Variants in CTNNA3 observed in about 807,000 individuals in gnomAD.
CTNNA3 encodes the protein catenin alpha 3.
In CTNNA3, 76 loss-of-function variants were observed where a neutral mutation model predicts 95.7. That is an observed-to-expected ratio of 0.79 (90% CI 0.66 to 0.96). The LOEUF is 0.96. Ranked by LOEUF, CTNNA3 falls within the 40% of genes least tolerant of loss-of-function variation. The pLI is 0.00. For missense variants in CTNNA3, 1,191 were observed against 1,089.8 expected (o/e 1.09, Z -1.31); for synonymous variants, 431 against 374.4 (o/e 1.15, Z -1.74).
intron 11 of CTNNA3, among the ~76,000 whole-genome samples, chr10:66,471,771 GACT>G (rs1403990642): frequency 6.6e-6 from 1 of 150,944 alleles, no homozygotes; most frequent in East Asian, 2.0e-4. Flanking sequence ...ATTGTTGTTT[GACT>G]ATTCAATTCT....
At chr10:66,346,195 G>T in intron 12 of CTNNA3, among the ~76,000 whole-genome samples, 1 of 146,068 alleles carries the variant, frequency 6.8e-6, no homozygotes, top group Non-Finnish European at 1.5e-5. Context: ...AAATTGAATA[G>T]TAAGTATGTG....
chr10:66,178,258 C>A (rs2085824473), intron 13 of CTNNA3, among the ~76,000 whole-genome samples: 1 of 149,736 alleles, frequency 6.7e-6, no homozygotes, highest in Non-Finnish European at 1.5e-5. Flanking sequence ...TATTTTTTTT[C>A]TTAAGTAAAA....
intron 4 of CTNNA3, among the ~76,000 whole-genome samples, chr10:67,539,033 C>T (rs1405902190): frequency 2.6e-5 from 4 of 152,156 alleles, no homozygotes; most frequent in Non-Finnish European, 5.9e-5. Flanking sequence ...TTACTACAGA[C>T]ATCACAGACT....
At chr10:67,599,012 C>G (rs1843004230) in intron 3 of CTNNA3, among the ~76,000 whole-genome samples, 1 of 152,120 alleles carries the variant, frequency 6.6e-6, no homozygotes, top group African/African-American at 2.4e-5. Flanking sequence ...ATTTCAGGAA[C>G]AACAGAGTTT....
chr10:67,476,627 G>A (rs771819935), intron 5 of CTNNA3, among the ~76,000 whole-genome samples: 5 of 151,418 alleles, frequency 3.3e-5, no homozygotes, highest in East Asian at 2.0e-4. Context: ...CAAAGAGATC[G>A]TAGTGCATCT....
At chr10:66,079,454 C>G (rs2080660236) in intron 14 of CTNNA3, 4 of 151,644 alleles carry the variant, frequency 2.6e-5, no homozygotes, top group African/African-American at 9.7e-5. Context: ...AATTATATAC[C>G]TCCTAGTTTT....
chr10:66,063,726 A>T (rs1023864614), intron 15 of CTNNA3, among the ~76,000 whole-genome samples: 2 of 151,954 alleles, frequency 1.3e-5, no homozygotes, highest in African/African-American at 4.8e-5. Flanking sequence ...TCATTTTCTA[A>T]CTTATCTTCT....
intron 6 of CTNNA3, among the ~76,000 whole-genome samples, chr10:67,208,943 A>G (rs1864021834): frequency 6.6e-6 from 1 of 152,214 alleles, no homozygotes; most frequent in South Asian, 2.1e-4. Flanking sequence ...CACTATTAAA[A>G]TAAAGAGGAA....
intron 7 of CTNNA3, among the ~76,000 whole-genome samples, chr10:66,890,449 G>A (rs543879648): frequency 1.3e-5 from 2 of 152,190 alleles, no homozygotes; most frequent in Admixed American, 1.3e-4. Flanking sequence ...TGGCTAGGAG[G>A]GCAAGAAAGG....
At chr10:67,698,742 A>ATT (rs538446910), upstream of CTNNA3, among the ~76,000 whole-genome samples, 3 of 151,874 alleles carry the variant, frequency 2.0e-5, no homozygotes, top group Admixed American at 6.6e-5. Flanking sequence ...AATTAAAACC[A>ATT]TTTTTTTCAA....
chr10:66,985,673 C>G (rs1850688052), intron 7 of CTNNA3, among the ~76,000 whole-genome samples: 1 of 152,088 alleles, frequency 6.6e-6, no homozygotes, highest in Non-Finnish European at 1.5e-5. Flanking sequence ...TCATCAAGAA[C>G]CCAATCCCAT....
chr10:65,952,201 T>G (rs1298768052), intron 17 of CTNNA3, among the ~76,000 whole-genome samples: 1 of 152,180 alleles, frequency 6.6e-6, no homozygotes, highest in Non-Finnish European at 1.5e-5. Context: ...TTAGTTTACC[T>G]AGATATCAAG....
intron 7 of CTNNA3, among the ~76,000 whole-genome samples, chr10:66,943,747 C>A (rs548864553): frequency 6.6e-6 from 1 of 152,094 alleles, no homozygotes; most frequent in Non-Finnish European, 1.5e-5. Flanking sequence ...CAGAACCCCA[C>A]CATAAAGTGC....
chr10:67,030,965 C>T (rs190959613), intron 7 of CTNNA3, among the ~76,000 whole-genome samples: 8 of 152,220 alleles, frequency 5.3e-5, no homozygotes, highest in Non-Finnish European at 2.9e-5. Context: ...GATTGCATCG[C>T]TGCACTCCAG....
At chr10:67,038,761 T>A (rs1333983966) in intron 7 of CTNNA3, among the ~76,000 whole-genome samples, 1 of 152,090 alleles carries the variant, frequency 6.6e-6, no homozygotes, top group African/African-American at 2.4e-5. Context: ...AGGAGTTCAA[T>A]ATGAGATATT....
At position 66,241,078 on chromosome 10, in the gene CTNNA3, C is replaced by T. The variant is rs1426315662; in HGVS notation, c.1884+39392G>A. On this transcript the variant is annotated intron_variant, in intron 13 of 17. Coordinates refer to ENST00000433211, the MANE Select transcript of CTNNA3 (RefSeq NM_013266.4). ...AGGTAGAGAAGAAGAAAAATGAGCC[C>T]TTCAAACTCATTCATACTGAACCAG... 2.0e-5 allele frequency among the ~76,000 whole-genome samples: 3 copies of T among 151,910 alleles called. No individual in the cohort carries two copies. In the East Asian group the frequency reaches 5.8e-4, roughly 29 times the overall value.
intron 7 of CTNNA3, among the ~76,000 whole-genome samples, chr10:66,885,924 C>T (rs1916376): frequency 6.6e-6 from 1 of 151,834 alleles, no homozygotes; most frequent in Non-Finnish European, 1.5e-5. Context: ...TGGATAACTG[C>T]CCAACCAACT....
intron 7 of CTNNA3, among the ~76,000 whole-genome samples, chr10:66,897,318 C>A (rs1034937050): frequency 4.0e-5 from 6 of 151,644 alleles, no homozygotes; most frequent in East Asian, 1.9e-4. Flanking sequence ...GTGGGGATAT[C>A]CATGGGAAGA....
upstream of CTNNA3, among the ~76,000 whole-genome samples, chr10:67,700,062 G>C (rs778791262): frequency 2.7e-4 from 41 of 152,382 alleles, no homozygotes; most frequent in Non-Finnish European, 4.9e-4. Flanking sequence ...GCAGCAGCGA[G>C]GCTGGGGGAG....
Sources: allele counts gnomAD v4.1 joint callset (sites outside exome capture counted in the v4.1 genomes callset), GRCh38; gene constraint gnomAD v4.1.1; transcripts MANE v1.5; gene names NCBI Gene and HGNC (gene_info 2026-07-23, HGNC 2026-07-21).